The following DCAF1 variants were observed in gnomAD, a reference collection of about 807,000 sequenced individuals.
DCAF1 encodes the protein DDB1 and CUL4 associated factor 1, also known as DDB1- and CUL4-associated factor 1.
A neutral mutation model predicts 128.0 loss-of-function variants in DCAF1; 15 were observed. That is an observed-to-expected ratio of 0.12 (90% CI 0.08 to 0.18). The LOEUF (loss-of-function observed/expected upper bound fraction) is 0.18, where lower values mean the gene tolerates loss of function less well. Ranked by LOEUF, DCAF1 falls within the 10% of genes least tolerant of loss-of-function variation. DCAF1 has a pLI of 1.00. For synonymous variants in DCAF1, 610 were observed against 603.0 expected (o/e 1.01, Z -0.17); for missense variants, 988 against 1,649.5 (o/e 0.60, Z 6.95).
At chr3:51,400,445 C>T (rs993254756) in intron 24 of DCAF1, among the ~76,000 whole-genome samples, 19 of 152,226 alleles carry the variant, frequency 1.2e-4, no homozygotes, top group African/African-American at 4.3e-4. Flanking sequence ...AGCAGCTATG[C>T]AGCTCTTAAG....
intron 2 of DCAF1, among the ~76,000 whole-genome samples, chr3:51,487,599 A>T (rs1197293714): frequency 6.6e-6 from 1 of 152,098 alleles, no homozygotes; most frequent in African/African-American, 2.4e-5. Context: ...GACCTTGACA[A>T]TCTTGAAGAG....
At chr3:51,405,673 T>C (rs922861323) in intron 23 of DCAF1, among the ~76,000 whole-genome samples, 1 of 152,172 alleles carries the variant, frequency 6.6e-6, no homozygotes, top group Non-Finnish European at 1.5e-5. Context: ...AATCTGAAAC[T>C]GGGATCATGA....
intron 3 of DCAF1, among the ~76,000 whole-genome samples, chr3:51,471,345 G>A (rs1006493429): frequency 2.0e-5 from 3 of 151,600 alleles, no homozygotes; most frequent in Non-Finnish European, 4.4e-5. Context: ...CACCACGCCC[G>A]GCTAACTTTC....
chr3:51,460,124 T>C (rs2108004033), intron 6 of DCAF1, among the ~76,000 whole-genome samples: 2 of 152,326 alleles, frequency 1.3e-5, no homozygotes, highest in East Asian at 3.9e-4. Context: ...ATTGTCCCTG[T>C]TGGCAGATGA....
At position 51,471,081 on chromosome 3, in the gene DCAF1, C is replaced by T. The variant is rs1553648248; in HGVS notation, c.111-76G>A. 6.2e-5 allele frequency: 55 copies of T among 889,534 alleles called. No individual in the cohort carries two copies. In the East Asian group the frequency reaches 1.3e-3, roughly 20 times the overall value. 55.1% of individuals were successfully genotyped at this position (889,534 alleles called of 1,614,324 possible). The stretch of plus-strand genomic sequence containing the variant: ...ACCACCACTACAACAGTCAATTCAA[C>T]GGTCAAGGTAGAAAATAAAAGCAAA... On this transcript the variant is annotated intron_variant, in intron 3 of 24. Coordinates refer to ENST00000684031, the MANE Select transcript of DCAF1 (RefSeq NM_001387579.1).
chr3:51,504,546 C>G (rs768067203), upstream of DCAF1, among the ~76,000 whole-genome samples: 14 of 152,104 alleles, frequency 9.2e-5, no homozygotes, highest in Non-Finnish European at 1.9e-4. Context: ...TGGGGTTTCA[C>G]CATGTTGGCC....
intron 2 of DCAF1, among the ~76,000 whole-genome samples, chr3:51,495,148 C>T (rs782194769): frequency 1.4e-5 from 2 of 148,002 alleles, no homozygotes; most frequent in African/African-American, 2.5e-5. Flanking sequence ...CATGATGAAA[C>T]CCTGTCTCTA....
rs1699291043 is a variant in DCAF1 at position 51,420,391 on chromosome 3, G to C, written c.2579C>G (p.Ser860Cys). The C allele has an allele frequency of 6.2e-7, 1 of 1,614,050 alleles. No individual in the cohort carries two copies. The highest frequency in any genetic ancestry group is 2.2e-5 in the East Asian group (1 of 44,890). The part of the protein sequence containing the change: ...LLLLIRNHLI[S>C]KGLGETATVL... ...GGTTGCTGTTTCTCCAAGCCCTTTA[G>C]AAATAAGATGGTTTCGTATCAACAA... Residue 860 changes from serine (S) to cysteine (C), a missense_variant, in exon 15 of 25, where the codon TCT becomes TGT. Transcript: ENST00000684031. The surrounding 1 kb of genome is among the most constrained non-coding windows in gnomAD (Gnocchi z 6.5).
At chr3:51,457,887 C>A (rs1336229935) in intron 6 of DCAF1, among the ~76,000 whole-genome samples, 1 of 152,160 alleles carries the variant, frequency 6.6e-6, no homozygotes, top group Non-Finnish European at 1.5e-5. Flanking sequence ...ACCACCAGGC[C>A]TGCCTTACAA....
At chr3:51,482,723 C>A (rs1553653377) in intron 3 of DCAF1, among the ~76,000 whole-genome samples, 1 of 145,818 alleles carries the variant, frequency 6.9e-6, no homozygotes. Context: ...CGAGATCGTG[C>A]CATTGCACTC....
intron 3 of DCAF1, among the ~76,000 whole-genome samples, chr3:51,481,953 T>C (rs1465878787): frequency 4.6e-5 from 7 of 152,026 alleles, no homozygotes; most frequent in African/African-American, 7.3e-5. Context: ...ATCATGCCAA[T>C]GCACTCCAGC....
intron 3 of DCAF1, among the ~76,000 whole-genome samples, chr3:51,482,607 A>T (rs1435947218): frequency 3.6e-5 from 1 of 27,444 alleles, no homozygotes; most frequent in African/African-American, 3.0e-4. Context: ...TCTACTAAAA[A>T]TACAAAAATT....
In DCAF1 at chr3:51,417,992, G is replaced by C. The variant is rs532731415; in HGVS notation, c.3518+124C>G. ...AAACATGAGTCTTAGATGAGGAAGAGAGAAGTTAACAATAACCGACAGCAT... is the reference window on the plus strand; with the variant it reads ...AAACATGAGTCTTAGATGAGGAAGACAGAAGTTAACAATAACCGACAGCAT... On this transcript the variant is annotated intron_variant, in intron 17 of 24. Coordinates refer to ENST00000684031, the MANE Select transcript of DCAF1 (RefSeq NM_001387579.1). 48 of 1,230,390 alleles carry C rather than the reference G, an allele frequency of 3.9e-5. No homozygotes were observed. In the African/African-American group the frequency reaches 6.3e-4, roughly 16 times the overall value. 76.2% of individuals were successfully genotyped at this position (1,230,390 alleles called of 1,614,324 possible).
chr3:51,414,098 T>C (rs376129288), intron 19 of DCAF1, 55 bp from the exon 20 acceptor site: 2 of 1,497,428 alleles, frequency 1.3e-6, no homozygotes, highest in African/African-American at 1.4e-5. Context: ...TCTAATCTCA[T>C]GGGAGGAAAT....
chr3:51,418,074 G>T, intron 17 of DCAF1, 42 bp downstream of exon 17: 2 of 1,580,314 alleles, frequency 1.3e-6, no homozygotes, highest in South Asian at 1.2e-5. Context: ...GTATAAACTA[G>T]GTAAATAAAG....
chr3:51,464,564 C>T (rs1703937570), intron 5 of DCAF1, among the ~76,000 whole-genome samples: 1 of 151,790 alleles, frequency 6.6e-6, no homozygotes, highest in African/African-American at 2.4e-5. Flanking sequence ...GGCATGGTGG[C>T]ACATGCCTGT....
intron 2 of DCAF1, among the ~76,000 whole-genome samples, chr3:51,484,161 G>T (rs893148397): frequency 2.6e-5 from 4 of 151,954 alleles, no homozygotes; most frequent in Admixed American, 6.6e-5. Context: ...AAAAAATATG[G>T]TACCTTTCCC....
At chr3:51,485,167 A>G (rs1706785705) in intron 2 of DCAF1, among the ~76,000 whole-genome samples, 2 of 152,146 alleles carry the variant, frequency 1.3e-5, no homozygotes, top group South Asian at 2.1e-4. Context: ...CACCCGCCTC[A>G]GCCTCCCAAA....
chr3:51,434,715 GAACT>G (rs1700664100), intron 9 of DCAF1, among the ~76,000 whole-genome samples: 1 of 152,140 alleles, frequency 6.6e-6, no homozygotes, highest in Non-Finnish European at 1.5e-5. Context: ...TATATTTTTA[GAACT>G]AACCACGTGC....
Sources: allele counts gnomAD v4.1 joint callset (sites outside exome capture counted in the v4.1 genomes callset), GRCh38; gene constraint gnomAD v4.1.1; non-coding constraint Gnocchi (gnomAD v3.1); transcripts MANE v1.5; gene names NCBI Gene and HGNC (gene_info 2026-07-23, HGNC 2026-07-21).